Variants in SLC60A1 observed in about 807,000 individuals in gnomAD.
SLC60A1 encodes the protein solute carrier family 60 member 1.
the SLC60A1 span, chr1:205,600,427 T>A: frequency 2.5e-6 from 4 of 1,614,126 alleles, 1 homozygote; most frequent in South Asian, 4.4e-5. Flanking sequence ...GACAGATCAA[T>A]TGGAATGGAA....
chr1:205,597,888 G>GGA, the SLC60A1 span: 1 of 1,594,646 alleles, frequency 6.3e-7, no homozygotes, highest in South Asian at 1.1e-5. Flanking sequence ...GAGCATTTGG[G>GGA]GAGCACTCCT....
the SLC60A1 span, among the ~76,000 whole-genome samples, chr1:205,592,574 C>A: frequency 6.6e-6 from 1 of 151,972 alleles, no homozygotes; most frequent in Non-Finnish European, 1.5e-5. Flanking sequence ...TGATGTTCCC[C>A]TGTGCTCTTC....
At chr1:205,584,029 C>G in the SLC60A1 span, 1 of 1,614,078 alleles carries the variant, frequency 6.2e-7, no homozygotes, top group Non-Finnish European at 8.5e-7. Context: ...AGAGGAGGCC[C>G]CTGCTTCTGT....
the SLC60A1 span, chr1:205,584,125 T>C: frequency 6.2e-7 from 1 of 1,612,392 alleles, no homozygotes; most frequent in Non-Finnish European, 8.5e-7. Flanking sequence ...CACACCTAGG[T>C]AGGGGCTCTA....
At chr1:205,584,549 A>T in the SLC60A1 span, among the ~76,000 whole-genome samples, 13,391 of 88,790 alleles carry the variant, frequency 0.15, 563 homozygotes, top group African/African-American at 0.2. Flanking sequence ...TTTTTTTTTT[A>T]AAAAAAAAAA....
At chr1:205,571,844 G>C in the SLC60A1 span, among the ~76,000 whole-genome samples, 1 of 152,242 alleles carries the variant, frequency 6.6e-6, no homozygotes, top group Non-Finnish European at 1.5e-5. Flanking sequence ...CTCTCACTTG[G>C]TTTATACTTG....
chr1:205,590,210 C>T, the SLC60A1 span, among the ~76,000 whole-genome samples: 5 of 152,116 alleles, frequency 3.3e-5, no homozygotes, highest in Non-Finnish European at 5.9e-5. Context: ...GCAGGTGAAA[C>T]GTGGAGCAGG....
At chr1:205,599,396 C>T in the SLC60A1 span, 6 of 1,081,022 alleles carry the variant, frequency 5.6e-6, no homozygotes, top group Non-Finnish European at 7.7e-6. Context: ...TATTTTTCTA[C>T]AGCTTCCTTT....
the SLC60A1 span, chr1:205,584,866 C>T: frequency 1.2e-5 from 20 of 1,612,122 alleles, no homozygotes; most frequent in Non-Finnish European, 1.7e-5. Context: ...TCTTCCTGTG[C>T]CTCCTGCAGG....
At chr1:205,600,224 C>T in the SLC60A1 span, 6 of 565,974 alleles carry the variant, frequency 1.1e-5, no homozygotes, top group African/African-American at 3.8e-5. Flanking sequence ...AGACAGCAGT[C>T]TCAGGAAACT....
At chr1:205,569,396 C>CGT in the SLC60A1 span, 4 of 886,188 alleles carry the variant, frequency 4.5e-6, no homozygotes, top group African/African-American at 7.1e-5. Flanking sequence ...GGCCTCTCCC[C>CGT]CGGCCCCGTG....
the SLC60A1 span, among the ~76,000 whole-genome samples, chr1:205,596,393 C>T: frequency 6.6e-6 from 1 of 151,648 alleles, no homozygotes; most frequent in African/African-American, 2.4e-5. Flanking sequence ...CCTAAAAGAT[C>T]AATGGGAACC....
chr1:205,599,109 T>C, the SLC60A1 span: 1 of 1,613,384 alleles, frequency 6.2e-7, no homozygotes, highest in Non-Finnish European at 8.5e-7. Context: ...TGTCTGTCTC[T>C]CTGTGTTTTC....
At chr1:205,584,867 C>T in the SLC60A1 span, 1 of 1,612,888 alleles carries the variant, frequency 6.2e-7, no homozygotes, top group South Asian at 1.1e-5. Flanking sequence ...CTTCCTGTGC[C>T]TCCTGCAGGG....
the SLC60A1 span, chr1:205,598,904 G>T: frequency 1.7e-6 from 1 of 573,118 alleles, no homozygotes; most frequent in East Asian, 3.0e-5. Flanking sequence ...GGACTGCAGG[G>T]GGTCACCAGG....
chr1:205,591,483 CAAA>C, the SLC60A1 span, among the ~76,000 whole-genome samples: 6 of 86,914 alleles, frequency 6.9e-5, no homozygotes, highest in South Asian at 4.1e-4. Context: ...CCCTGTCTCT[CAAA>C]AAAAAAAAAA....
chr1:205,596,147 AAT>A, the SLC60A1 span, among the ~76,000 whole-genome samples: 2 of 152,218 alleles, frequency 1.3e-5, no homozygotes, highest in Admixed American at 6.5e-5. Flanking sequence ...ATTAAAAAAA[AAT>A]AGTGTCTACT....
the SLC60A1 span, chr1:205,569,397 C>G: frequency 1.1e-6 from 1 of 872,860 alleles, no homozygotes; most frequent in Admixed American, 4.7e-5. Flanking sequence ...GCCTCTCCCC[C>G]GGCCCCGTGG....
chr1:205,580,818 T>C, the SLC60A1 span: 24 of 1,614,152 alleles, frequency 1.5e-5, no homozygotes, highest in Non-Finnish European at 2.0e-5. The surrounding 1 kb of genome is among the most constrained non-coding windows in gnomAD (Gnocchi z 5.0). Context: ...CAGCACCACG[T>C]AGATGCCAAG....
Sources: allele counts gnomAD v4.1 joint callset (sites outside exome capture counted in the v4.1 genomes callset), GRCh38; gene constraint gnomAD v4.1.1; non-coding constraint Gnocchi (gnomAD v3.1); transcripts MANE v1.5; gene names NCBI Gene and HGNC (gene_info 2026-07-23, HGNC 2026-07-21).